The following OTUD7A variants were observed in gnomAD, a reference collection of about 807,000 sequenced individuals.
OTUD7A encodes the protein OTU domain-containing protein 7A.
Under a neutral mutation model 65.7 loss-of-function variants are expected in OTUD7A, and 12 were observed. That is an observed-to-expected ratio of 0.18 (90% CI 0.12 to 0.30). The LOEUF (loss-of-function observed/expected upper bound fraction) is 0.30, where lower values mean the gene tolerates loss of function less well. Among genes scored for constraint, OTUD7A ranks in the 10% least tolerant of loss-of-function variants. OTUD7A has a pLI of 1.00. For missense variants in OTUD7A, 1,148 were observed against 1,304.8 expected (o/e 0.88, Z 1.85); for synonymous variants, 641 against 586.3 (o/e 1.09, Z -1.35).
At chr15:31,504,466 CA>C (rs1301535559) in intron 8 of OTUD7A, among the ~76,000 whole-genome samples, 1 of 152,220 alleles carries the variant, frequency 6.6e-6, no homozygotes, top group African/African-American at 2.4e-5. Flanking sequence ...TGCTTCCACT[CA>C]AACCCTAAGA....
chr15:31,613,146 A>C (rs1890481403), intron 3 of OTUD7A, among the ~76,000 whole-genome samples: 1 of 152,206 alleles, frequency 6.6e-6, no homozygotes, highest in Non-Finnish European at 1.5e-5. Flanking sequence ...AAATCAACTC[A>C]AGAGGGATTA....
At chr15:31,654,684 A>G (rs571510246) in intron 3 of OTUD7A, among the ~76,000 whole-genome samples, 1 of 152,206 alleles carries the variant, frequency 6.6e-6, no homozygotes, top group Non-Finnish European at 1.5e-5. Flanking sequence ...AACATCATAC[A>G]TACGGAGGAT....
intron 8 of OTUD7A, among the ~76,000 whole-genome samples, chr15:31,524,528 A>G (rs1203657087): frequency 3.0e-5 from 4 of 132,542 alleles, no homozygotes; most frequent in Non-Finnish European, 6.4e-5. Context: ...GGTCTCCCCG[A>G]CCCCACCCCA....
At chr15:31,852,293 C>A (rs1026568573) in intron 1 of OTUD7A, among the ~76,000 whole-genome samples, 1 of 152,190 alleles carries the variant, frequency 6.6e-6, no homozygotes, top group Non-Finnish European at 1.5e-5. Context: ...ACAGGACATT[C>A]CACAGTAGGC....
intron 1 of OTUD7A, among the ~76,000 whole-genome samples, chr15:31,662,658 CA>C (rs1322771414): frequency 6.6e-6 from 1 of 152,190 alleles, no homozygotes; most frequent in Admixed American, 6.5e-5. Context: ...TTCAAGACCA[CA>C]ATCTGAATGC....
At chr15:31,798,319 A>G (rs1896028412) in intron 1 of OTUD7A, among the ~76,000 whole-genome samples, 1 of 152,106 alleles carries the variant, frequency 6.6e-6, no homozygotes, top group Non-Finnish European at 1.5e-5. Context: ...TGTGCCCGTG[A>G]GCTGCCTGCT....
chr15:31,693,235 G>C (rs1345874888), intron 1 of OTUD7A, among the ~76,000 whole-genome samples: 1 of 152,252 alleles, frequency 6.6e-6, no homozygotes, highest in Non-Finnish European at 1.5e-5. Context: ...TGGAAATAAA[G>C]AGGAGAGTCT....
intron 1 of OTUD7A, among the ~76,000 whole-genome samples, chr15:31,724,493 A>C (rs537187556): frequency 1.0e-3 from 157 of 152,324 alleles, no homozygotes; most frequent in African/African-American, 3.3e-3. Flanking sequence ...TGCTTCATCA[A>C]TGATTTGAAA....
intron 3 of OTUD7A, among the ~76,000 whole-genome samples, chr15:31,582,649 T>C (rs760764151): frequency 1.2e-4 from 18 of 152,170 alleles, no homozygotes; most frequent in Non-Finnish European, 2.1e-4. Flanking sequence ...TGAGACTTAT[T>C]CACTACCACA....
At chr15:31,822,528 G>A (rs552348480) in intron 1 of OTUD7A, among the ~76,000 whole-genome samples, 6 of 152,346 alleles carry the variant, frequency 3.9e-5, no homozygotes, top group African/African-American at 1.4e-4. Flanking sequence ...TGGAGGGACT[G>A]TGATTCCCCA....
At chr15:31,575,275 G>A (rs189645722) in intron 3 of OTUD7A, among the ~76,000 whole-genome samples, 1 of 152,220 alleles carries the variant, frequency 6.6e-6, no homozygotes, top group Admixed American at 6.5e-5. Context: ...CTGCTTCCAG[G>A]GAATTGTGAG....
chr15:31,812,773 G>A (rs889014642), intron 1 of OTUD7A, among the ~76,000 whole-genome samples: 3 of 152,162 alleles, frequency 2.0e-5, no homozygotes, highest in African/African-American at 7.2e-5. Flanking sequence ...ACTGCCAAGT[G>A]TGAAGTTTCA....
At chr15:31,531,917 A>G (rs575860468) in intron 5 of OTUD7A, among the ~76,000 whole-genome samples, 1 of 152,294 alleles carries the variant, frequency 6.6e-6, no homozygotes, top group South Asian at 2.1e-4. Context: ...CCTCTCAGCT[A>G]GGAAGTACCC....
chr15:31,830,116 C>T (rs1212363326), intron 1 of OTUD7A, among the ~76,000 whole-genome samples: 1 of 152,138 alleles, frequency 6.6e-6, no homozygotes, highest in Non-Finnish European at 1.5e-5. Context: ...CATCTGTGTC[C>T]CACAGTTCCT....
intron 1 of OTUD7A, among the ~76,000 whole-genome samples, chr15:31,824,289 C>A (rs1291022065): frequency 2.6e-5 from 4 of 152,208 alleles, no homozygotes; most frequent in Non-Finnish European, 5.9e-5. Flanking sequence ...TCACCCCCGA[C>A]CCTCCATCAC....
At chr15:31,597,337 T>G (rs1247765942) in intron 3 of OTUD7A, among the ~76,000 whole-genome samples, 1 of 152,186 alleles carries the variant, frequency 6.6e-6, no homozygotes, top group African/African-American at 2.4e-5. Flanking sequence ...TAAAACATGT[T>G]TGCCAACTCC....
chr15:31,685,417 G>A lies in OTUD7A; in HGVS notation c.-99-28340C>T, dbSNP rs1189200968. Among the ~76,000 whole-genome samples, 38 of 152,248 alleles carry A rather than the reference G, an allele frequency of 2.5e-4. 1 individual carries two copies. Among genetic ancestry groups the A allele is most frequent in the African/African-American group, 1.9e-4 (8 of 41,540 alleles). On this transcript the variant is annotated intron_variant, in intron 1 of 12. Transcript: ENST00000307050. ...TCCCAGCACTTTGGGAGACCAAGGC[G>A]GGTGGATCATGACGTCAGGAGATCA...
At chr15:31,513,338 A>T in intron 8 of OTUD7A, among the ~76,000 whole-genome samples, 1 of 152,234 alleles carries the variant, frequency 6.6e-6, no homozygotes, top group East Asian at 1.9e-4. Context: ...TTCTATGAAC[A>T]GAACATCCTC....
chr15:31,805,010 C>G (rs1367420134), intron 1 of OTUD7A, among the ~76,000 whole-genome samples: 1 of 152,226 alleles, frequency 6.6e-6, no homozygotes, highest in East Asian at 1.9e-4. Context: ...CATCAGAAAG[C>G]AGCTGTGTGC....
Sources: allele counts gnomAD v4.1 joint callset (sites outside exome capture counted in the v4.1 genomes callset), GRCh38; gene constraint gnomAD v4.1.1; transcripts MANE v1.5; gene names NCBI Gene and HGNC (gene_info 2026-07-23, HGNC 2026-07-21).